The following DLG2 variants were observed in gnomAD, a reference collection of about 807,000 sequenced individuals.
DLG2 encodes the protein disks large homolog 2.
Under a neutral mutation model 132.5 loss-of-function variants are expected in DLG2, and 45 were observed. The ratio of observed to expected loss-of-function variants is 0.34; its 90% CI spans 0.27 to 0.44. The LOEUF is 0.44. DLG2 is among the 20% of genes least tolerant of loss of function. DLG2 has a pLI of 1.00. For synonymous variants in DLG2, 424 were observed against 419.6 expected (o/e 1.01, Z -0.13); for missense variants, 1,045 against 1,196.9 (o/e 0.87, Z 1.87).
chr11:84,620,737 C>A (rs2099612383), intron 6 of DLG2, among the ~76,000 whole-genome samples: 2 of 152,044 alleles, frequency 1.3e-5, no homozygotes, highest in South Asian at 2.1e-4. Context: ...AATGCAAACT[C>A]TTAAACGCTT....
At chr11:85,146,142 C>G (rs919942016) in intron 5 of DLG2, among the ~76,000 whole-genome samples, 4 of 151,996 alleles carry the variant, frequency 2.6e-5, no homozygotes, top group African/African-American at 9.7e-5. Flanking sequence ...GGGGAATTCC[C>G]TGGATTACTG....
chr11:84,215,487 TAAC>T (rs1006463982), intron 8 of DLG2, among the ~76,000 whole-genome samples: 5 of 152,166 alleles, frequency 3.3e-5, no homozygotes, highest in African/African-American at 9.7e-5. Context: ...TCCAGGCTGT[TAAC>T]AAAGAGCTGG....
chr11:84,848,310 A>C (rs1162754861), intron 6 of DLG2, among the ~76,000 whole-genome samples: 1 of 152,020 alleles, frequency 6.6e-6, no homozygotes, highest in Non-Finnish European at 1.5e-5. Flanking sequence ...CCTGGACAAC[A>C]TAGTGAAGAC....
At chr11:83,988,646 A>T (rs1345714914) in intron 11 of DLG2, among the ~76,000 whole-genome samples, 1 of 151,848 alleles carries the variant, frequency 6.6e-6, no homozygotes, top group East Asian at 1.9e-4. Context: ...CTGTACTCTT[A>T]CAGCCTTGAT....
chr11:83,567,183 A>G (rs1413017390), intron 19 of DLG2, among the ~76,000 whole-genome samples: 1 of 152,146 alleles, frequency 6.6e-6, no homozygotes, highest in Admixed American at 6.6e-5. Flanking sequence ...CAGCATTCTC[A>G]ACCTCAGAAG....
chr11:85,466,786 A>G (rs1459912310), intron 3 of DLG2, among the ~76,000 whole-genome samples: 1 of 152,044 alleles, frequency 6.6e-6, no homozygotes, highest in Admixed American at 6.6e-5. Flanking sequence ...TTGACTTGGC[A>G]ATGTGGGTTC....
At chr11:85,441,741 A>AC (rs1167906848) in intron 3 of DLG2, among the ~76,000 whole-genome samples, 1 of 152,196 alleles carries the variant, frequency 6.6e-6, no homozygotes, top group Admixed American at 6.5e-5. Context: ...AGAATCTACT[A>AC]ATGTATAAAG....
intron 6 of DLG2, among the ~76,000 whole-genome samples, chr11:85,005,807 G>C (rs2058607717): frequency 6.6e-6 from 1 of 152,086 alleles, no homozygotes. Flanking sequence ...TCTTGTGCCG[G>C]ATTTCAAAGG....
In DLG2 at chr11:84,300,035, T is replaced by C. The variant is rs576113266; in HGVS notation, c.520-48744A>G. On this transcript the variant is annotated intron_variant, in intron 7 of 27. Transcript: ENST00000376104. ...TTATACAATCAAAACCATATAATGG[T>C]TTTGATTTTGGGTGGAGGCTGCCTA... Among the ~76,000 whole-genome samples the C allele has an allele frequency of 2.2e-3, 339 of 152,152 alleles. 3 individuals carry two copies. The highest frequency in any genetic ancestry group is 7.3e-3 in the African/African-American group (301 of 41,512).
intron 7 of DLG2, among the ~76,000 whole-genome samples, chr11:84,292,328 TC>T (rs770546640): frequency 2.8e-4 from 43 of 152,196 alleles, no homozygotes; most frequent in Non-Finnish European, 5.0e-4. Context: ...TCTTTCCCCA[TC>T]CCCAGAAGAT....
At chr11:85,597,687 T>C (rs1054415793) in intron 3 of DLG2, among the ~76,000 whole-genome samples, 2 of 151,710 alleles carry the variant, frequency 1.3e-5, no homozygotes, top group Admixed American at 1.3e-4. Context: ...AAAGTACAGA[T>C]ATTTATAATG....
intron 6 of DLG2, among the ~76,000 whole-genome samples, chr11:84,714,720 C>T (rs1326255141): frequency 6.7e-6 from 1 of 149,946 alleles, no homozygotes; most frequent in African/African-American, 2.5e-5. Context: ...CTTTCCCTTC[C>T]TATCATTCTG....
intron 3 of DLG2, among the ~76,000 whole-genome samples, chr11:85,422,120 T>G (rs926490319): frequency 2.6e-5 from 4 of 152,210 alleles, no homozygotes; most frequent in African/African-American, 9.6e-5. Context: ...CTTAAGATTC[T>G]TTCCTTCATC....
In DLG2 at chr11:85,129,888, GAATT is replaced by G. The variant is rs532326297; in HGVS notation, c.283-18157_283-18154del. 8.1e-4 allele frequency among the ~76,000 whole-genome samples: 124 copies of G among 152,224 alleles called. 3 individuals carry two copies. Among genetic ancestry groups the G allele is most frequent in the African/African-American group, 2.6e-3 (109 of 41,530 alleles). ...ATACTATGCAGCCATAAAAAAGAAT[GAATT>G]AATGTCCTTTGCAGGGACATGGATG... On this transcript the variant is annotated intron_variant, in intron 5 of 27. Coordinates refer to ENST00000376104, the MANE Select transcript of DLG2 (RefSeq NM_001142699.3).
chr11:85,053,591 ATCCT>A (rs1304779505), intron 6 of DLG2, among the ~76,000 whole-genome samples: 1 of 147,498 alleles, frequency 6.8e-6, no homozygotes, highest in African/African-American at 2.5e-5. Context: ...GATCGAGACC[ATCCT>A]GCCTAACACG....
rs140940565 is a variant in DLG2, at chr11:84,427,375, G to A, written c.519+107195C>T. ...GTGGTTATCACCATTTTTAATACAT[G>A]AGAGCACTAATAATCAAAGAGGTGC... On this transcript the variant is annotated intron_variant, in intron 7 of 27. Transcript: ENST00000376104. Among the ~76,000 whole-genome samples, 356 of 152,260 alleles carry A rather than the reference G, an allele frequency of 2.3e-3. 1 individual carries two copies. The highest frequency in any genetic ancestry group is 8.1e-3 in the African/African-American group (335 of 41,562).
chr11:85,012,139 T>TCCATTTCTACTAAAAATACA (rs1566644270), intron 6 of DLG2, among the ~76,000 whole-genome samples: 1 of 80,766 alleles, frequency 1.2e-5, no homozygotes, highest in Non-Finnish European at 2.2e-5. Context: ...CTGACCAACA[T>TCCATTTCTACTAAAAATACA]AATCTATGTG....
chr11:84,252,873 A>G (rs1435469540), intron 7 of DLG2, among the ~76,000 whole-genome samples: 2 of 152,196 alleles, frequency 1.3e-5, no homozygotes, highest in Non-Finnish European at 2.9e-5. Context: ...AAAGTGCTCA[A>G]ATTTTGGGGT....
At chr11:84,464,200 C>G (rs952922191) in intron 7 of DLG2, among the ~76,000 whole-genome samples, 2 of 151,094 alleles carry the variant, frequency 1.3e-5, no homozygotes, top group Non-Finnish European at 3.0e-5. Context: ...TTACAAGATC[C>G]TAGTCTCAAG....
Sources: allele counts gnomAD v4.1 joint callset (sites outside exome capture counted in the v4.1 genomes callset), GRCh38; gene constraint gnomAD v4.1.1; transcripts MANE v1.5; gene names NCBI Gene and HGNC (gene_info 2026-07-23, HGNC 2026-07-21).